The following RIT2 variants were observed in gnomAD, a reference collection of about 807,000 sequenced individuals.
The protein encoded by RIT2 is GTP-binding protein Rit2.
In RIT2, 24 loss-of-function variants were observed where a neutral mutation model predicts 23.7. The observed-to-expected ratio is 1.01, with a 90% CI of 0.73 to 1.43. The LOEUF (loss-of-function observed/expected upper bound fraction) is 1.43, where lower values mean the gene tolerates loss of function less well. Among genes scored for constraint, RIT2 ranks in the 40% most tolerant of loss-of-function variants. The probability of loss-of-function intolerance (pLI) is 0.00; values close to 1 mark genes in which losing one functional copy is unlikely to be tolerated. For synonymous variants in RIT2, 107 were observed against 91.1 expected (o/e 1.17, Z -0.99); for missense variants, 236 against 266.9 (o/e 0.88, Z 0.81).
chr18:43,026,295 C>A (rs1911715701), intron 2 of RIT2, among the ~76,000 whole-genome samples: 1 of 152,000 alleles, frequency 6.6e-6, no homozygotes. Flanking sequence ...GTGGCTCATG[C>A]CTATAATCCC....
At position 42,771,788 on chromosome 18, in the gene RIT2, G is replaced by A. The variant is rs1374557845; in HGVS notation, c.427-28068C>T. On this transcript the variant is annotated intron_variant, in intron 4 of 4. Coordinates refer to ENST00000326695, the MANE Select transcript of RIT2 (RefSeq NM_002930.4). Reference sequence around the variant, plus strand: ...ATTGACTGGTAGCAATGTTATTCAGGGTATATTTCTTTCCTCAAATATGAG... The same window carrying A: ...ATTGACTGGTAGCAATGTTATTCAGAGTATATTTCTTTCCTCAAATATGAG... Among the ~76,000 whole-genome samples, 5 of 151,952 alleles carry A rather than the reference G, an allele frequency of 3.3e-5. 1 individual carries two copies. The South Asian group carries it at 6.2e-4, about 19-fold the overall frequency.
chr18:42,946,432 A>G (rs1909728475), intron 3 of RIT2, among the ~76,000 whole-genome samples: 1 of 152,070 alleles, frequency 6.6e-6, no homozygotes, highest in South Asian at 2.1e-4. Context: ...GAGGCAGTCT[A>G]CACTCTTAAA....
chr18:42,799,923 T>C (rs1290277817), intron 4 of RIT2, among the ~76,000 whole-genome samples: 1 of 152,214 alleles, frequency 6.6e-6, no homozygotes, highest in African/African-American at 2.4e-5. Context: ...TCTTGCACTT[T>C]TCTTTCATTA....
intron 4 of RIT2, among the ~76,000 whole-genome samples, chr18:42,808,174 G>T (rs758123211): frequency 6.6e-6 from 1 of 152,114 alleles, no homozygotes; most frequent in African/African-American, 2.4e-5. Flanking sequence ...CCATTCTCTC[G>T]CCTCAGAGTT....
At chr18:42,779,946 C>G (rs1458354235) in intron 4 of RIT2, among the ~76,000 whole-genome samples, 2 of 149,232 alleles carry the variant, frequency 1.3e-5, no homozygotes, top group Non-Finnish European at 3.0e-5. Flanking sequence ...GGTAATGAAA[C>G]TTAAAAATAG....
intron 2 of RIT2, among the ~76,000 whole-genome samples, chr18:43,009,659 C>T (rs75981646): frequency 5.3e-4 from 81 of 151,736 alleles, no homozygotes; most frequent in African/African-American, 1.8e-3. Flanking sequence ...TCATTGGATG[C>T]CATTTTTAAC....
intron 2 of RIT2, among the ~76,000 whole-genome samples, chr18:43,019,351 A>G (rs1359998302): frequency 1.3e-5 from 2 of 152,056 alleles, no homozygotes; most frequent in African/African-American, 4.8e-5. Flanking sequence ...ATTAAGTGGC[A>G]TTTATTCCAG....
At chr18:42,995,317 C>A (rs184088270) in intron 2 of RIT2, among the ~76,000 whole-genome samples, 4 of 152,064 alleles carry the variant, frequency 2.6e-5, no homozygotes, top group Admixed American at 2.0e-4. Context: ...TTTGCCCCCA[C>A]CCAGGACTGG....
At chr18:42,988,902 C>A (rs1292568309) in intron 2 of RIT2, among the ~76,000 whole-genome samples, 12 of 152,162 alleles carry the variant, frequency 7.9e-5, no homozygotes, top group Admixed American at 7.9e-4. Flanking sequence ...CGGGTTAGGG[C>A]AGCAATCTGC....
chr18:42,791,822 T>G (rs1287305800), intron 4 of RIT2, among the ~76,000 whole-genome samples: 1 of 152,190 alleles, frequency 6.6e-6, no homozygotes, highest in Non-Finnish European at 1.5e-5. Flanking sequence ...GTACTATTGA[T>G]TCCAGCTATG....
At chr18:42,789,126 T>C (rs531760976) in intron 4 of RIT2, among the ~76,000 whole-genome samples, 4 of 152,294 alleles carry the variant, frequency 2.6e-5, no homozygotes, top group South Asian at 4.1e-4. Context: ...TGCCCGCTAG[T>C]AGAATTGGGT....
intron 2 of RIT2, among the ~76,000 whole-genome samples, chr18:42,985,165 G>A (rs1489722308): frequency 6.6e-6 from 1 of 152,040 alleles, no homozygotes. Context: ...ATTTAATGAT[G>A]CAATTTACCA....
chr18:42,765,156 C>G (rs899936462), intron 4 of RIT2, among the ~76,000 whole-genome samples: 6 of 152,078 alleles, frequency 3.9e-5, no homozygotes, highest in Non-Finnish European at 7.4e-5. Flanking sequence ...ATTATAGAAG[C>G]AATTAATATT....
At chr18:42,841,065 G>T (rs1213471872) in intron 4 of RIT2, among the ~76,000 whole-genome samples, 2 of 152,040 alleles carry the variant, frequency 1.3e-5, no homozygotes, top group African/African-American at 2.4e-5. Flanking sequence ...TGGTACCTAA[G>T]GATACTAAGT....
intron 4 of RIT2, among the ~76,000 whole-genome samples, chr18:42,784,250 C>T (rs1444829660): frequency 3.4e-5 from 5 of 145,496 alleles, no homozygotes; most frequent in African/African-American, 1.0e-4. Context: ...TTCTAGTCTT[C>T]GTTCATCTCT....
At chr18:43,084,773 C>A (rs1464170750) in intron 1 of RIT2, among the ~76,000 whole-genome samples, 4 of 152,150 alleles carry the variant, frequency 2.6e-5, no homozygotes, top group Non-Finnish European at 5.9e-5. Flanking sequence ...TGACAAATAT[C>A]TAATGCATGC....
At chr18:42,878,379 A>G (rs1313857615) in intron 4 of RIT2, among the ~76,000 whole-genome samples, 1 of 151,982 alleles carries the variant, frequency 6.6e-6, no homozygotes, top group East Asian at 1.9e-4. Flanking sequence ...TATATTTACT[A>G]TTTATTAAAT....
intron 3 of RIT2, among the ~76,000 whole-genome samples, chr18:42,948,701 A>G (rs551569436): frequency 6.6e-6 from 1 of 152,228 alleles, no homozygotes; most frequent in South Asian, 2.1e-4. Flanking sequence ...GAAAAGTTAT[A>G]TGATCATCTT....
At chr18:42,852,635 C>T (rs1036177660) in intron 4 of RIT2, among the ~76,000 whole-genome samples, 1 of 152,176 alleles carries the variant, frequency 6.6e-6, no homozygotes, top group Admixed American at 6.5e-5. Context: ...GATTTGTCCT[C>T]TTCTATGATC....
Sources: allele counts gnomAD v4.1 joint callset (sites outside exome capture counted in the v4.1 genomes callset), GRCh38; gene constraint gnomAD v4.1.1; transcripts MANE v1.5; gene names NCBI Gene and HGNC (gene_info 2026-07-23, HGNC 2026-07-21).